The following SIRPG variants were observed in gnomAD, a reference collection of about 807,000 sequenced individuals.
SIRPG encodes the protein signal regulatory protein gamma.
SIRPG carries 38 observed loss-of-function variants against 35.7 expected under a neutral mutation model. The ratio of observed to expected loss-of-function variants is 1.06; its 90% CI spans 0.82 to 1.40. The LOEUF is 1.40. Ranked by LOEUF, SIRPG falls within the 40% of genes most tolerant of loss-of-function variation. The pLI is 0.00. For missense variants in SIRPG, 519 were observed against 483.0 expected (o/e 1.07, Z -0.70); for synonymous variants, 215 against 190.4 (o/e 1.13, Z -1.06).
chr20:1,658,304 G>A (rs547381431), upstream of SIRPG, among the ~76,000 whole-genome samples: 54 of 152,332 alleles, frequency 3.5e-4, no homozygotes, highest in Admixed American at 3.1e-3. Context: ...GCACTTTCAT[G>A]TGCCTGCACC....
the SIRPG span, among the ~76,000 whole-genome samples, chr20:1,676,494 A>G: frequency 5.3e-5 from 8 of 152,232 alleles, no homozygotes; most frequent in Non-Finnish European, 1.0e-4. Context: ...TGGAATCTCA[A>G]TAAGGAATGA....
At chr20:1,670,978 G>A in the SIRPG span, 18 of 352,190 alleles carry the variant, frequency 5.1e-5, no homozygotes, top group East Asian at 1.0e-3. Flanking sequence ...AAGGTCTCCA[G>A]AGGCCAGCAC....
At chr20:1,663,423 G>A in the SIRPG span, among the ~76,000 whole-genome samples, 2 of 152,232 alleles carry the variant, frequency 1.3e-5, no homozygotes, top group South Asian at 2.1e-4. Context: ...AGGAGCGATG[G>A]AGGTGAGAAG....
the SIRPG span, among the ~76,000 whole-genome samples, chr20:1,683,096 T>A: frequency 6.6e-6 from 1 of 152,152 alleles, no homozygotes; most frequent in East Asian, 1.9e-4. Context: ...AAGACCTGAA[T>A]AGACATTTCT....
intron 2 of SIRPG, among the ~76,000 whole-genome samples, chr20:1,636,887 A>G (rs1033376160): frequency 6.6e-6 from 1 of 152,146 alleles, no homozygotes; most frequent in Non-Finnish European, 1.5e-5. Flanking sequence ...TGTTTACAGA[A>G]GCCAAAGTAG....
At chr20:1,631,513 C>A (rs1389962893) in intron 4 of SIRPG, among the ~76,000 whole-genome samples, 1 of 152,244 alleles carries the variant, frequency 6.6e-6, no homozygotes, top group Non-Finnish European at 1.5e-5. Context: ...CTCCTACAGT[C>A]CTGCCTCCCC....
intron 2 of SIRPG, chr20:1,637,779 A>G (rs551048174): frequency 6.6e-6 from 1 of 152,300 alleles, no homozygotes; most frequent in Admixed American, 6.5e-5. Flanking sequence ...ATTACAAGAG[A>G]CAAAGATCTA....
chr20:1,636,922 C>G (rs915706610), intron 2 of SIRPG, among the ~76,000 whole-genome samples: 2 of 152,176 alleles, frequency 1.3e-5, no homozygotes, highest in African/African-American at 4.8e-5. Context: ...GTGGCGCCAC[C>G]ATGAGACCTG....
At chr20:1,660,617 A>G (rs1416498277), upstream of SIRPG, among the ~76,000 whole-genome samples, 1 of 152,192 alleles carries the variant, frequency 6.6e-6, no homozygotes, top group Non-Finnish European at 1.5e-5. Flanking sequence ...GATGCTTACA[A>G]TTTTTGTGGA....
chr20:1,685,946 A>G, the SIRPG span, among the ~76,000 whole-genome samples: 1 of 151,800 alleles, frequency 6.6e-6, no homozygotes, highest in African/African-American at 2.4e-5. Flanking sequence ...TGGAGCCTCA[A>G]GGCTCCAGCC....
At chr20:1,631,317 C>A (rs933513996) in intron 4 of SIRPG, among the ~76,000 whole-genome samples, 2 of 152,106 alleles carry the variant, frequency 1.3e-5, no homozygotes, top group African/African-American at 4.8e-5. Context: ...AGCTGCACTG[C>A]CCAATTCCAA....
At chr20:1,650,748 T>A (rs1451918540) in intron 1 of SIRPG, among the ~76,000 whole-genome samples, 1 of 152,160 alleles carries the variant, frequency 6.6e-6, no homozygotes, top group African/African-American at 2.4e-5. Flanking sequence ...TGCACAAATT[T>A]AAAGACACTG....
At chr20:1,657,106 A>C (rs1046587546) in intron 1 of SIRPG, among the ~76,000 whole-genome samples, 1 of 152,184 alleles carries the variant, frequency 6.6e-6, no homozygotes, top group Non-Finnish European at 1.5e-5. Flanking sequence ...GTCAAGACAC[A>C]TGGAGGAGAT....
chr20:1,657,524 G>T, intron 1 of SIRPG, 118 bp downstream of exon 1: 1 of 985,074 alleles, frequency 1.0e-6, no homozygotes, highest in Non-Finnish European at 1.6e-6. Flanking sequence ...CTTGGACAAT[G>T]TCCAGTCCTT....
the SIRPG span, chr20:1,671,139 T>C: frequency 4.7e-6 from 2 of 424,284 alleles, no homozygotes; most frequent in Admixed American, 2.6e-5. Context: ...TGAAGCTCAC[T>C]GTATGCTCAG....
the SIRPG span, chr20:1,676,812 G>C: frequency 5.1e-6 from 1 of 194,552 alleles, no homozygotes; most frequent in Admixed American, 6.1e-5. Context: ...TCGCAGTGCA[G>C]TGCAGAGTGG....
At chr20:1,654,113 C>A (rs1039925177) in intron 1 of SIRPG, among the ~76,000 whole-genome samples, 1 of 152,020 alleles carries the variant, frequency 6.6e-6, no homozygotes, top group Non-Finnish European at 1.5e-5. Context: ...GTGGTGCACA[C>A]CTGTAGTCCC....
At chr20:1,674,196 G>A in the SIRPG span, among the ~76,000 whole-genome samples, 1 of 150,622 alleles carries the variant, frequency 6.6e-6, no homozygotes, top group East Asian at 2.0e-4. Context: ...TTTTTAGGAG[G>A]GAGCCTTGGG....
At chr20:1,644,945 TTTTCCATGGGAGCC>T (rs1424827580) in intron 2 of SIRPG, among the ~76,000 whole-genome samples, 2 of 152,218 alleles carry the variant, frequency 1.3e-5, no homozygotes, top group Non-Finnish European at 2.9e-5. Context: ...TTTTTGGTTC[TTTTCCATGGGAGCC>T]TCCTATCACT....
Sources: allele counts gnomAD v4.1 joint callset (sites outside exome capture counted in the v4.1 genomes callset), GRCh38; gene constraint gnomAD v4.1.1; transcripts MANE v1.5; gene names NCBI Gene and HGNC (gene_info 2026-07-23, HGNC 2026-07-21).